SLX4IP: variants seen among roughly 807,000 people sequenced by gnomAD.
SLX4IP encodes protein SLX4IP.
SLX4IP carries 34 observed loss-of-function variants against 32.9 expected under a neutral mutation model. That is an observed-to-expected ratio of 1.03 (90% CI 0.79 to 1.38). The LOEUF (loss-of-function observed/expected upper bound fraction) is 1.38, where lower values mean the gene tolerates loss of function less well. Among genes scored for constraint, SLX4IP ranks in the 40% most tolerant of loss-of-function variants. The pLI is 0.00. For missense variants in SLX4IP, 444 were observed against 479.0 expected (o/e 0.93, Z 0.68); for synonymous variants, 172 against 171.7 (o/e 1.00, Z -0.01).
chr20:10,593,002 G>A (rs967595754), intron 4 of SLX4IP, among the ~76,000 whole-genome samples: 1 of 152,148 alleles, frequency 6.6e-6, no homozygotes, highest in African/African-American at 2.4e-5. Flanking sequence ...GTACTCAGTT[G>A]GTATCAGCCT....
intron 2 of SLX4IP, among the ~76,000 whole-genome samples, chr20:10,487,973 G>A (rs1011757175): frequency 6.6e-5 from 10 of 152,096 alleles, no homozygotes; most frequent in Non-Finnish European, 1.3e-4. Flanking sequence ...TTTTGTGGGC[G>A]GAAGTCATTT....
At chr20:10,568,957 C>G (rs2122511436) in intron 4 of SLX4IP, among the ~76,000 whole-genome samples, 1 of 152,322 alleles carries the variant, frequency 6.6e-6, no homozygotes, top group Non-Finnish European at 1.5e-5. Context: ...TAATCCTCCT[C>G]AAAAGTTCGA....
chr20:10,549,450 A>G (rs2066197065), intron 2 of SLX4IP, among the ~76,000 whole-genome samples: 1 of 152,192 alleles, frequency 6.6e-6, no homozygotes, highest in South Asian at 2.1e-4. Flanking sequence ...TGCAGTCACC[A>G]GGCACTAAGG....
rs865842912 is a variant in SLX4IP at position 10,592,353 on chromosome 20, C to G, written c.239-6322C>G. On this transcript the variant is annotated intron_variant, in intron 4 of 7. Transcript: ENST00000334534. ...GAACAACCCCTTTCTCCAACCCCCC[C>G]CCATCACCAGCAATAGAGGAGGTCA... 5.4e-3 allele frequency among the ~76,000 whole-genome samples: 814 copies of G among 151,942 alleles called. 6 individuals are homozygous for G. Among genetic ancestry groups the G allele is most frequent in the Non-Finnish European group, 8.1e-3 (553 of 67,986 alleles).
At chr20:10,570,744 G>A (rs1161275775) in intron 4 of SLX4IP, among the ~76,000 whole-genome samples, 3 of 152,076 alleles carry the variant, frequency 2.0e-5, no homozygotes, top group Non-Finnish European at 4.4e-5. Context: ...GGTCAGGCTG[G>A]TCTGGAACTC....
At chr20:10,462,036 C>T (rs763545407) in intron 2 of SLX4IP, among the ~76,000 whole-genome samples, 2 of 151,900 alleles carry the variant, frequency 1.3e-5, no homozygotes, top group East Asian at 1.9e-4. Flanking sequence ...TAGGATGTTA[C>T]GAACTAGGGA....
chr20:10,457,966 C>A (rs2065301404), intron 1 of SLX4IP, among the ~76,000 whole-genome samples: 1 of 151,964 alleles, frequency 6.6e-6, no homozygotes, highest in African/African-American at 2.4e-5. Context: ...GTGTGAGCCA[C>A]CATGCCTGGC....
intron 2 of SLX4IP, among the ~76,000 whole-genome samples, chr20:10,486,803 G>A (rs653807): frequency 0.39 from 59,344 of 151,822 alleles, 11,793 homozygotes; most frequent in Non-Finnish European, 0.43. Context: ...TACATTAAAC[G>A]TTCAACCCTA....
intron 4 of SLX4IP, among the ~76,000 whole-genome samples, chr20:10,561,545 C>CTTTTTTT (rs749781715): frequency 1.0e-4 from 14 of 139,132 alleles, no homozygotes; most frequent in East Asian, 4.2e-4. Flanking sequence ...TTTCTTTTTT[C>CTTTTTTT]TTTTTTTTTT....
chr20:10,501,620 C>T (rs1255632757), intron 2 of SLX4IP, among the ~76,000 whole-genome samples: 1 of 152,250 alleles, frequency 6.6e-6, no homozygotes, highest in African/African-American at 2.4e-5. Flanking sequence ...ACTTGGTTCT[C>T]GAGGGCAGCA....
chr20:10,541,827 G>A (rs142273973), intron 2 of SLX4IP, among the ~76,000 whole-genome samples: 47 of 152,298 alleles, frequency 3.1e-4, no homozygotes, highest in African/African-American at 1.1e-3. Context: ...TTGTCCCATT[G>A]TACAGATAAA....
chr20:10,534,885 G>T (rs944565232), intron 2 of SLX4IP, among the ~76,000 whole-genome samples: 4 of 152,198 alleles, frequency 2.6e-5, no homozygotes, highest in Non-Finnish European at 5.9e-5. Context: ...AGAGCAGAAG[G>T]GGGAGCTATT....
intron 2 of SLX4IP, among the ~76,000 whole-genome samples, chr20:10,554,636 G>A (rs2066249450): frequency 6.6e-6 from 1 of 151,898 alleles, no homozygotes; most frequent in African/African-American, 2.4e-5. Context: ...AGTCATTCTG[G>A]TGGGTATTGT....
chr20:10,546,099 T>C (rs934005008), intron 2 of SLX4IP, among the ~76,000 whole-genome samples: 2 of 152,214 alleles, frequency 1.3e-5, no homozygotes, highest in African/African-American at 4.8e-5. Flanking sequence ...ATATTCCTGT[T>C]GTTTCCCATA....
At chr20:10,502,281 C>T (rs1359775265) in intron 2 of SLX4IP, among the ~76,000 whole-genome samples, 2 of 152,190 alleles carry the variant, frequency 1.3e-5, no homozygotes, top group East Asian at 1.9e-4. Context: ...TGTTTCTGCA[C>T]TACCTGGTCT....
At chr20:10,436,364 CT>C (rs56204408) in intron 1 of SLX4IP, among the ~76,000 whole-genome samples, 73,039 of 149,514 alleles carry the variant, frequency 0.49, 18,983 homozygotes, top group Non-Finnish European at 0.59. Context: ...TTCTTTCTTT[CT>C]TTTTTTTTTT....
intron 6 of SLX4IP, among the ~76,000 whole-genome samples, chr20:10,612,002 C>T (rs1191793741): frequency 1.3e-5 from 2 of 152,192 alleles, no homozygotes; most frequent in Admixed American, 6.5e-5. Flanking sequence ...ACTACATGCA[C>T]GGCCTCAGTC....
chr20:10,517,605 G>A (rs1422594493), intron 2 of SLX4IP, among the ~76,000 whole-genome samples: 2 of 152,186 alleles, frequency 1.3e-5, no homozygotes, highest in Admixed American at 1.3e-4. Context: ...CATCTCAGTA[G>A]CTACATTTCT....
intron 6 of SLX4IP, among the ~76,000 whole-genome samples, chr20:10,612,335 A>ACAT (rs1258353202): frequency 6.6e-6 from 1 of 152,146 alleles, no homozygotes; most frequent in Non-Finnish European, 1.5e-5. Flanking sequence ...CCAACAATGA[A>ACAT]CATGAGACCT....
Sources: gnomAD v4.1 joint callset for allele counts (sites outside exome capture counted in the v4.1 genomes callset) on GRCh38, gnomAD v4.1.1 for gene constraint, MANE v1.5 for transcripts, NCBI Gene and HGNC (gene_info 2026-07-23, HGNC 2026-07-21) for gene names.